Variants in TG observed in about 807,000 individuals in gnomAD.
The protein encoded by TG is thyroglobulin, also known as thyroid hormones.
Under a neutral mutation model 324.7 loss-of-function variants are expected in TG, and 270 were observed. The observed-to-expected ratio is 0.83, with a 90% CI of 0.75 to 0.92. TG has a LOEUF of 0.92. Ranked by LOEUF, TG falls within the 40% of genes least tolerant of loss-of-function variation. The pLI, the probability that TG is intolerant of heterozygous loss-of-function variation, is 0.00. For synonymous variants in TG, 1,401 were observed against 1,327.0 expected, an observed-to-expected ratio of 1.06 and a Z score of -1.21; for missense variants, 3,591 against 3,456.4, an observed-to-expected ratio of 1.04 and a Z score of -0.98.
rs1827968319 is a variant in TG at position 132,962,913 on chromosome 8, C to T, written c.5468-81C>T. The T allele has an allele frequency of 2.2e-6, 3 of 1,337,492 alleles. No individual in the cohort carries two copies. The East Asian group carries it at 6.9e-5, about 31-fold the overall frequency. The allele number at this position is 1,337,492 out of a possible 1,614,324, so 82.9% of individuals were successfully genotyped here. On this transcript the variant is annotated intron_variant, in intron 28 of 47. Transcript: ENST00000220616. ...TGGCTTTAGGGCCTGATTTTTCTCA[C>T]ATTGCTACTACCATTTTGTTGACCA...
intron 35 of TG, chr8:133,001,624 TG>T: frequency 4.8e-6 from 2 of 412,540 alleles, no homozygotes; most frequent in Non-Finnish European, 6.5e-6. Flanking sequence ...TGATGGTCTC[TG>T]GTGAGAAAGC....
In TG at chr8:132,867,060, T is replaced by C. The variant is rs140030312; in HGVS notation, c.60T>C (p.Asn20=). The change falls in exon 1 of 48, where the codon AAT becomes AAC. Residue 20 remains asparagine, a synonymous_variant. Transcript: ENST00000220616. The part of the protein sequence containing the change: ...LLASICWVSA[N]IFEYQVDAQP... ...CCTCCATCTGCTGGGTGTCGGCCAA[T>C]ATCTTCGGTAAGTTCTGAGGCCATG... 410 of 1,598,432 alleles carry C rather than the reference T, an allele frequency of 2.6e-4. 1 individual carries two copies. The Middle Eastern group carries it at 2.6e-3, about 10-fold the overall frequency.
intron 26 of TG, among the ~76,000 whole-genome samples, chr8:132,942,241 T>C (rs1172097515): frequency 6.6e-6 from 1 of 152,218 alleles, no homozygotes; most frequent in African/African-American, 2.4e-5. Context: ...CTTCCCTTGT[T>C]TATAAAATAG....
chr8:132,972,813 T>TGTTCTTGG (rs1829717730), intron 34 of TG, 72 bp downstream of exon 34: 1 of 1,588,366 alleles, frequency 6.3e-7, no homozygotes. Context: ...ATTAGGACAA[T>TGTTCTTGG]ATTCTTGGAT....
chr8:132,897,137 G>A lies in TG; in HGVS notation c.3002-512G>A, dbSNP rs1405970611. Among the ~76,000 whole-genome samples the A allele has an allele frequency of 3.9e-5, 6 of 152,286 alleles. No homozygotes were observed. In the East Asian group the frequency reaches 5.8e-4, roughly 15 times the overall value. Reference sequence around the variant, plus strand: ...CCTACGAGGGCAGCTGATGTCAATCGCCCTCCTGTGTTCCAAGGCCAACCT... The same window carrying A: ...CCTACGAGGGCAGCTGATGTCAATCACCCTCCTGTGTTCCAAGGCCAACCT... On this transcript the variant is annotated intron_variant, in intron 11 of 47. Transcript: ENST00000220616.
chr8:132,919,631 T>C, intron 21 of TG, 106 bp downstream of exon 21: 9 of 1,513,568 alleles, frequency 5.9e-6, no homozygotes. Context: ...CAGATAATTC[T>C]TTGTGCAGGG....
intron 41 of TG, among the ~76,000 whole-genome samples, chr8:133,058,863 G>A (rs1841937895): frequency 6.6e-6 from 1 of 152,298 alleles, no homozygotes; most frequent in South Asian, 2.1e-4. Context: ...TTGAGAAGGA[G>A]AGTTACTTCA....
Position 132,913,097 on chromosome 8 carries a change from C to T in TG, c.4210C>T (p.Gln1404Ter). 1 of 1,614,198 alleles carries T rather than the reference C, an allele frequency of 6.2e-7. No homozygotes were observed. Among genetic ancestry groups the T allele is most frequent in the Non-Finnish European group, 8.5e-7 (1 of 1,180,032 alleles). Residue 1404 changes from glutamine (Q) to a stop codon, truncating the protein, a stop_gained, in exon 20 of 48, where the codon CAG becomes TAG. Transcript: ENST00000220616. LOFTEE classifies it high-confidence loss of function. ...CCTTGGGCGCTTCACAGATCTGATC[C>T]AGAGTGGCTCATTCCAGCTTCATCT... ...DLLGRFTDLI[Q>*]SGSFQLHLDS...
chr8:133,085,083 C>T (rs553342044), intron 41 of TG, among the ~76,000 whole-genome samples: 15 of 152,334 alleles, frequency 9.8e-5, no homozygotes, highest in African/African-American at 3.4e-4. Flanking sequence ...ACACCAGCTC[C>T]GCATTACTTT....
chr8:132,904,677 G>A (rs972283546), intron 16 of TG, among the ~76,000 whole-genome samples: 1 of 152,150 alleles, frequency 6.6e-6, no homozygotes, highest in Admixed American at 6.5e-5. Flanking sequence ...GTGGCCCCAG[G>A]AGGAAAACCC....
At chr8:132,957,993 G>A (rs1827180553) in intron 27 of TG, among the ~76,000 whole-genome samples, 1 of 152,066 alleles carries the variant, frequency 6.6e-6, no homozygotes, top group South Asian at 2.1e-4. Context: ...TTATGCCCTT[G>A]CATCCTCATA....
chr8:132,966,226 T>G (rs1007864340), intron 29 of TG, among the ~76,000 whole-genome samples: 3 of 152,092 alleles, frequency 2.0e-5, no homozygotes, highest in African/African-American at 7.2e-5. Flanking sequence ...TAGACAGAAG[T>G]CTCCAGGGGA....
rs560912849 is a variant in TG at position 132,981,450 on chromosome 8, G to A, written c.6200-1900G>A. 2.0e-5 allele frequency among the ~76,000 whole-genome samples: 3 copies of A among 152,316 alleles called. 1 individual carries two copies. The South Asian group carries it at 6.2e-4, about 32-fold the overall frequency. ...ATAGTCAAATTATTCTCTGAAGATT[G>A]CACTCTCAGGAGCCTGGTTCTGTGA... On this transcript the variant is annotated intron_variant, in intron 34 of 47. Coordinates refer to ENST00000220616, the MANE Select transcript of TG (RefSeq NM_003235.5).
At chr8:133,049,182 G>T (rs77277549) in intron 41 of TG, 1 of 456,268 alleles carries the variant, frequency 2.2e-6, no homozygotes, top group African/African-American at 2.0e-5. Context: ...TCACTGGAAC[G>T]ACTACAGGGG....
chr8:133,017,259 CTT>C (rs1169038279), intron 37 of TG, among the ~76,000 whole-genome samples: 18 of 136,874 alleles, frequency 1.3e-4, no homozygotes, highest in Non-Finnish European at 1.1e-4. Flanking sequence ...TCCTAAAAGT[CTT>C]TTTTTTTTTT....
rs1852101095 is a variant in TG, at chr8:133,133,473, T to C, written c.8001T>C (p.Asn2667=). ...TTCTTTCTTCTCATTTGCCCAGAAA[T>C]CCCAACTACCCTTATGAGTTCTCAC... ...QYFSHFIRSG[N]PNYPYEFSRK... The change falls in exon 47 of 48, where the codon AAT becomes AAC. Residue 2667 remains asparagine, a synonymous_variant. Transcript: ENST00000220616. 1.2e-6 allele frequency: 2 copies of C among 1,614,048 alleles called. No individual in the cohort carries two copies. Among genetic ancestry groups the C allele is most frequent in the Non-Finnish European group, 1.7e-6 (2 of 1,180,024 alleles).
chr8:133,019,982 A>G (rs540750655), intron 39 of TG, among the ~76,000 whole-genome samples: 1 of 152,328 alleles, frequency 6.6e-6, no homozygotes, highest in South Asian at 2.1e-4. Context: ...GCACTTTTAT[A>G]TCTATGATTT....
At chr8:133,087,273 T>G (rs1055098580) in intron 41 of TG, among the ~76,000 whole-genome samples, 1 of 152,268 alleles carries the variant, frequency 6.6e-6, no homozygotes, top group Admixed American at 6.5e-5. Context: ...GAGGGCTTTC[T>G]GTTTCCCCTT....
chr8:132,931,044 A>C (rs542176795), intron 23 of TG, among the ~76,000 whole-genome samples: 1 of 152,302 alleles, frequency 6.6e-6, no homozygotes, highest in South Asian at 2.1e-4. Flanking sequence ...GGACTTAAAC[A>C]ACAAAATGGA....
Sources: allele counts gnomAD v4.1 joint callset (sites outside exome capture counted in the v4.1 genomes callset), GRCh38; gene constraint gnomAD v4.1.1; transcripts MANE v1.5; gene names NCBI Gene and HGNC (gene_info 2026-07-23, HGNC 2026-07-21).